RUNDC1: variants seen among roughly 807,000 people sequenced by gnomAD.
RUNDC1 encodes RUN domain containing 1.
A neutral mutation model predicts 49.3 loss-of-function variants in RUNDC1; 31 were observed. That is an observed-to-expected ratio of 0.63 (90% confidence interval 0.47 to 0.85). The LOEUF (loss-of-function observed/expected upper bound fraction) is 0.85, where lower values mean the gene tolerates loss of function less well. RUNDC1 is among the 40% of genes least tolerant of loss of function. RUNDC1 has a pLI of 0.00. For missense variants in RUNDC1, 715 were observed against 806.7 expected, an observed-to-expected ratio of 0.89 and a Z score of 1.38; for synonymous variants, 347 against 348.6, an observed-to-expected ratio of 1.00 and a Z score of 0.05.
At chr17:42,990,826 A>G (rs375968991) in intron 4 of RUNDC1, 25 bp from the exon 5 acceptor site, 31 of 1,559,536 alleles carry the variant, frequency 2.0e-5, no homozygotes, top group Non-Finnish European at 2.5e-5. Context: ...CCTCTCACTG[A>G]TGAGCCACTG....
Position 42,991,381 on chromosome 17 carries a change from C to G in RUNDC1, c.1507C>G (p.Pro503Ala). 4 of 1,614,228 alleles carry G rather than the reference C, an allele frequency of 2.5e-6. No individual in the cohort carries two copies. The highest frequency in any genetic ancestry group is 3.4e-6 in the Non-Finnish European group (4 of 1,180,044). ...ARKLSQSFALPVTGGTVVTPK... is the reference protein window; with the variant it reads ...ARKLSQSFALAVTGGTVVTPK... The stretch of plus-strand genomic sequence containing the variant: ...GAAGCTCTCCCAGTCCTTCGCCCTT[C>G]CTGTTACGGGAGGCACTGTTGTCAC... Residue 503 changes from proline (P) to alanine (A), a missense_variant, in exon 5 of 5, where the codon CCT becomes GCT. Around this residue, in one of 5 missense-constraint regions of RUNDC1, gnomAD observed 425 missense variants for 499.7 expected, o/e 0.85. Coordinates refer to ENST00000361677, the MANE Select transcript of RUNDC1 (RefSeq NM_173079.5).
chr17:42,983,798 A>C (rs2050134355), intron 1 of RUNDC1, among the ~76,000 whole-genome samples: 1 of 151,878 alleles, frequency 6.6e-6, no homozygotes, highest in South Asian at 2.1e-4. Context: ...CAGCTTCCCA[A>C]GTAGCTGGGA....
intron 2 of RUNDC1, among the ~76,000 whole-genome samples, chr17:42,988,471 T>G (rs1022862319): frequency 2.6e-5 from 4 of 151,906 alleles, no homozygotes; most frequent in African/African-American, 9.7e-5. Context: ...CAGGCTGGTC[T>G]TGAGCTCCTG....
chr17:42,994,245 A>T lies in RUNDC1; in HGVS notation c.*2529A>T, dbSNP rs2050280856. On this transcript the variant is annotated 3_prime_UTR_variant, in exon 5 of 5. Coordinates refer to ENST00000361677, the MANE Select transcript of RUNDC1 (RefSeq NM_173079.5). ...TATGGCGTAGCCCAGCGATCACCCCAGTATTGCCTTTTTCAAATCACAAAA... is the reference window on the plus strand; with the variant it reads ...TATGGCGTAGCCCAGCGATCACCCCTGTATTGCCTTTTTCAAATCACAAAA... Among the ~76,000 whole-genome samples the T allele has an allele frequency of 6.6e-6, 1 of 152,254 alleles. No homozygotes were observed. Among genetic ancestry groups the T allele is most frequent in the South Asian group, 2.1e-4 (1 of 4,838 alleles).
chr17:42,985,214 A>G (rs2151957820), intron 1 of RUNDC1, among the ~76,000 whole-genome samples: 1 of 152,312 alleles, frequency 6.6e-6, no homozygotes, highest in East Asian at 1.9e-4. Context: ...GTTCAGTAAC[A>G]TACAACAAAT....
chr17:42,981,670 G>C (rs1040139246), intron 1 of RUNDC1: 1 of 152,304 alleles, frequency 6.6e-6, no homozygotes, highest in East Asian at 1.9e-4. Flanking sequence ...TAAGAGACGG[G>C]AGGGTCTTGG....
At position 42,981,001 on chromosome 17, in the gene RUNDC1, G is replaced by C. The variant is rs2050073606; in HGVS notation, c.425G>C (p.Gly142Ala). The C allele has an allele frequency of 6.5e-7, 1 of 1,546,114 alleles. No individual in the cohort carries two copies. Among genetic ancestry groups the C allele is most frequent in the Admixed American group, 1.9e-5 (1 of 52,496 alleles). ...TGCCCTCACGTCCTAGGTTACGAAG[G>C]GCCCGGCGACCCCGCCAGCGATGAG... is the stretch of plus-strand genomic sequence containing the variant. ...RGCPHVLGYE[G>A]PGDPASDEGD... The change falls in exon 1 of 5, where the codon GGG (glycine) becomes GCG (alanine). Residue 142 changes from glycine (G) to alanine (A), a missense_variant. Gly to Ala is a moderately conservative substitution (Grantham distance 60, BLOSUM62 0). Coordinates refer to ENST00000361677, the MANE Select transcript of RUNDC1 (RefSeq NM_173079.5).
At position 42,993,881 on chromosome 17, in the gene RUNDC1, A is replaced by G. The variant is rs2050276740; in HGVS notation, c.*2165A>G. Among the ~76,000 whole-genome samples the G allele has an allele frequency of 6.6e-6, 1 of 151,540 alleles. No homozygotes were observed. Among genetic ancestry groups the G allele is most frequent in the Admixed American group, 6.6e-5 (1 of 15,228 alleles). On this transcript the variant is annotated 3_prime_UTR_variant, in exon 5 of 5. Transcript: ENST00000361677. ...GGAATGGAGACCTTTTTTTTTTGAG[A>G]TGGAGTCTCGCTCTGTTGTCCAGGC...
intron 3 of RUNDC1, among the ~76,000 whole-genome samples, chr17:42,989,964 A>C (rs2050217215): frequency 6.6e-6 from 1 of 152,172 alleles, no homozygotes; most frequent in Non-Finnish European, 1.5e-5. Context: ...TGTACTATTT[A>C]AGAGGCTTGA....
intron 2 of RUNDC1, among the ~76,000 whole-genome samples, chr17:42,988,251 A>C (rs2050195279): frequency 1.1e-5 from 1 of 92,724 alleles, no homozygotes; most frequent in South Asian, 4.6e-4. Flanking sequence ...AGTTTACGAT[A>C]TCAGATTTTT....
chr17:42,983,829 G>T (rs1454690873), intron 1 of RUNDC1, among the ~76,000 whole-genome samples: 2 of 151,596 alleles, frequency 1.3e-5, no homozygotes, highest in Non-Finnish European at 2.9e-5. Context: ...CCGTCACCAC[G>T]CCTGGCTAAT....
rs1237139400 is a variant in RUNDC1, at chr17:42,993,906, C to T, written c.*2190C>T. On this transcript the variant is annotated 3_prime_UTR_variant, in exon 5 of 5. Transcript: ENST00000361677. ...ATGGAGTCTCGCTCTGTTGTCCAGG[C>T]TGGAGTGCAATGGCGTGATCTCAGC... 6.6e-6 allele frequency among the ~76,000 whole-genome samples: 1 copy of T among 152,140 alleles called. No individual in the cohort carries two copies. Among genetic ancestry groups the T allele is most frequent in the Non-Finnish European group, 1.5e-5 (1 of 68,034 alleles).
Position 42,994,235 on chromosome 17 carries a change from C to T in RUNDC1, c.*2519C>T, listed in dbSNP as rs1016149643. Among the ~76,000 whole-genome samples, 2 of 152,198 alleles carry T rather than the reference C, an allele frequency of 1.3e-5. No individual in the cohort carries two copies. Among genetic ancestry groups the T allele is most frequent in the African/African-American group, 4.8e-5 (2 of 41,444 alleles). On this transcript the variant is annotated 3_prime_UTR_variant, in exon 5 of 5. Coordinates refer to ENST00000361677, the MANE Select transcript of RUNDC1 (RefSeq NM_173079.5). ...GGTATAGCCATATGGCGTAGCCCAG[C>T]GATCACCCCAGTATTGCCTTTTTCA...
Position 42,990,788 on chromosome 17 carries a change from T to A in RUNDC1, c.977-63T>A, listed in dbSNP as rs556341691. On this transcript the variant is annotated intron_variant, in intron 4 of 4. Transcript: ENST00000361677. ...CTCAGACTGATCTCAGCCTGTGATT[T>A]GTTGAGTGTAGCTCTGTGCCATCAT... is the stretch of plus-strand genomic sequence containing the variant. 6 of 1,513,408 alleles carry A rather than the reference T, an allele frequency of 4.0e-6. No homozygotes were observed. In the South Asian group the frequency reaches 7.8e-5, roughly 20 times the overall value. The allele number at this position is 1,513,408 out of a possible 1,614,324, so 93.7% of individuals were successfully genotyped here. A position where few individuals can be genotyped will look rare whatever the true frequency, so the allele number is the denominator to read the frequency against.
chr17:42,987,426 C>G lies in RUNDC1; in HGVS notation c.657+12C>G. On this transcript the variant is annotated intron_variant, in intron 2 of 4. Transcript: ENST00000361677. ...TGGAAAGACAGCGGGTGAGCAGACC[C>G]CAGAGGAACCTCCACCACTGCCCGA... 6.2e-7 allele frequency: 1 copy of G among 1,613,406 alleles called. No individual in the cohort carries two copies. Among genetic ancestry groups the G allele is most frequent in the South Asian group, 1.1e-5 (1 of 91,046 alleles).
At chr17:42,983,773 G>A (rs911208829) in intron 1 of RUNDC1, among the ~76,000 whole-genome samples, 7 of 151,774 alleles carry the variant, frequency 4.6e-5, no homozygotes, top group African/African-American at 1.7e-4. Flanking sequence ...CTGGGTTCAA[G>A]CGATTCTCCT....
intron 1 of RUNDC1, among the ~76,000 whole-genome samples, chr17:42,986,098 C>G (rs2050167751): frequency 6.6e-6 from 1 of 152,050 alleles, no homozygotes; most frequent in East Asian, 1.9e-4. Flanking sequence ...CTCCTAGACT[C>G]AAGCCATCAT....
In RUNDC1 at chr17:42,991,355, G is replaced by A. The variant is rs771660205; in HGVS notation, c.1481G>A (p.Arg494Gln). 1.3e-5 allele frequency: 21 copies of A among 1,614,140 alleles called. No individual in the cohort carries two copies. The highest frequency in any genetic ancestry group is 3.3e-4 in the Middle Eastern group (2 of 6,062). The change falls in exon 5 of 5, where the codon CGG becomes CAG. Residue 494 changes from arginine to glutamine, a missense_variant. Transcript: ENST00000361677. The stretch of plus-strand genomic sequence containing the variant: ...CGTGCTTATGTGGAATCCCCAGCCC[G>A]GAAGCTCTCCCAGTCCTTCGCCCTT... ...NGRAYVESPA[R>Q]KLSQSFALPV... is the part of the protein sequence containing the mutation.
At chr17:42,989,257 G>A in intron 2 of RUNDC1, 84 bp from the exon 3 acceptor site, 1 of 1,004,280 alleles carries the variant, frequency 1.0e-6, no homozygotes, top group Non-Finnish European at 1.5e-6. Flanking sequence ...TCCATTTAAG[G>A]ACAGAAGACA....
Sources: gnomAD v4.1 joint callset for allele counts (sites outside exome capture counted in the v4.1 genomes callset) on GRCh38, gnomAD v4.1.1 for gene constraint, gnomAD v4.1.1 regional missense constraint, MANE v1.5 for transcripts, NCBI Gene and HGNC (gene_info 2026-07-23, HGNC 2026-07-21) for gene names.